The following ZNF100 variants were observed in gnomAD, a reference collection of about 807,000 sequenced individuals.
The protein encoded by ZNF100 is zinc finger protein 100.
ZNF100 carries 12 observed loss-of-function variants against 15.8 expected under a neutral mutation model. The ratio of observed to expected loss-of-function variants is 0.76; its 90% CI spans 0.49 to 1.23. The LOEUF is 1.23. Among genes scored for constraint, ZNF100 ranks in the 50% most tolerant of loss-of-function variants. ZNF100 has a pLI of 0.00. For missense variants in ZNF100, 670 were observed against 635.6 expected, an observed-to-expected ratio of 1.05 and a Z score of -0.58; for synonymous variants, 226 against 214.8, an observed-to-expected ratio of 1.05 and a Z score of -0.45.
At chr19:21,760,176 C>A in intron 2 of ZNF100, among the ~76,000 whole-genome samples, 1 of 76,200 alleles carries the variant, frequency 1.3e-5, no homozygotes. Flanking sequence ...AGTGAGACTC[C>A]GTCTCAAAAA....
chr19:21,738,542 T>C (rs1046631863), intron 4 of ZNF100, among the ~76,000 whole-genome samples: 1 of 151,976 alleles, frequency 6.6e-6, no homozygotes, highest in African/African-American at 2.4e-5. Flanking sequence ...TTGAAAAACC[T>C]GACAAAAACA....
At chr19:21,747,898 A>G (rs560503462) in intron 2 of ZNF100, among the ~76,000 whole-genome samples, 1 of 152,222 alleles carries the variant, frequency 6.6e-6, no homozygotes, top group African/African-American at 2.4e-5. Flanking sequence ...GTTGATACTA[A>G]GTGTTCAGTA....
At chr19:21,755,129 A>G (rs1205786265) in intron 2 of ZNF100, among the ~76,000 whole-genome samples, 4 of 152,054 alleles carry the variant, frequency 2.6e-5, no homozygotes, top group African/African-American at 7.2e-5. Flanking sequence ...CCTGGCCAAC[A>G]TGGAGAAACC....
intron 4 of ZNF100, among the ~76,000 whole-genome samples, chr19:21,735,179 G>C (rs143926107): frequency 9.1e-4 from 138 of 151,338 alleles, no homozygotes; most frequent in Middle Eastern, 3.4e-3. Flanking sequence ...CATGAGAACA[G>C]GATCAAATTC....
chr19:21,750,655 AGCGT>A, intron 2 of ZNF100: 1 of 211,220 alleles, frequency 4.7e-6, no homozygotes, highest in South Asian at 1.8e-4. Context: ...CAGCGCGGCG[AGCGT>A]GCAGGGAGGC....
intron 2 of ZNF100, among the ~76,000 whole-genome samples, chr19:21,764,899 A>T (rs1048656642): frequency 5.3e-5 from 8 of 152,168 alleles, no homozygotes; most frequent in Non-Finnish European, 8.8e-5. Context: ...CTCACCAATT[A>T]TCCACCACAT....
chr19:21,753,078 C>G (rs1328677783), intron 2 of ZNF100: 2 of 152,160 alleles, frequency 1.3e-5, no homozygotes, highest in Non-Finnish European at 2.9e-5. Flanking sequence ...AAATTAAAAG[C>G]TTTATATTCA....
At chr19:21,751,020 G>C in intron 2 of ZNF100, 1 of 1,285,942 alleles carries the variant, frequency 7.8e-7, no homozygotes, top group Non-Finnish European at 1.1e-6. Flanking sequence ...CAGCGGGCGA[G>C]GGCCACCACC....
rs1843449262 is a variant in ZNF100, at chr19:21,724,882, TC to T, written c.*1800del. 1 of 152,026 alleles carries T rather than the reference TC, an allele frequency of 6.6e-6. No individual in the cohort carries two copies. 9.4% of individuals were successfully genotyped at this position (152,026 alleles called of 1,614,324 possible). Reference sequence around the variant, plus strand: ...GCTTGACTTACATTATGAAACCCTGTCTCTACTAAAATACAAAAATTAGCTG... The same window carrying T: ...GCTTGACTTACATTATGAAACCCTGTTCTACTAAAATACAAAAATTAGCTG... On this transcript the variant is annotated 3_prime_UTR_variant, in exon 5 of 5. Transcript: ENST00000358296.
intron 2 of ZNF100, among the ~76,000 whole-genome samples, chr19:21,763,597 A>G (rs2036515786): frequency 6.6e-6 from 1 of 152,142 alleles, no homozygotes; most frequent in Non-Finnish European, 1.5e-5. Context: ...CCGGGGGGAA[A>G]AAAATCAGCT....
intron 2 of ZNF100, chr19:21,751,511 GAA>G: frequency 9.2e-7 from 1 of 1,092,670 alleles, no homozygotes. Flanking sequence ...AACTTATGCT[GAA>G]ATCGACATTT....
intron 4 of ZNF100, among the ~76,000 whole-genome samples, chr19:21,736,177 T>C (rs1442651307): frequency 2.0e-5 from 3 of 152,142 alleles, no homozygotes; most frequent in African/African-American, 7.2e-5. Context: ...AACCTTCACT[T>C]CGCAGGTTCA....
chr19:21,738,154 G>C (rs1041797110), intron 4 of ZNF100, among the ~76,000 whole-genome samples: 64 of 147,670 alleles, frequency 4.3e-4, no homozygotes, highest in African/African-American at 1.3e-3. Flanking sequence ...AGGAAACTGA[G>C]TCAGGGGAAC....
At chr19:21,746,109 C>A (rs2036208296) in intron 2 of ZNF100, among the ~76,000 whole-genome samples, 1 of 152,148 alleles carries the variant, frequency 6.6e-6, no homozygotes, top group Non-Finnish European at 1.5e-5. Flanking sequence ...TATCAGAGAG[C>A]TTTTTAACCA....
At chr19:21,754,717 C>CA in intron 2 of ZNF100, among the ~76,000 whole-genome samples, 1 of 152,108 alleles carries the variant, frequency 6.6e-6, no homozygotes. Flanking sequence ...TAGGCAATAC[C>CA]ATTCAGGACA....
At position 21,743,956 on chromosome 19, in the gene ZNF100, G is replaced by C. The variant is rs1025719774; in HGVS notation, c.322+61C>G. The C allele has an allele frequency of 4.0e-6, 6 of 1,485,240 alleles. No homozygotes were observed. The African/African-American group carries it at 8.7e-5, about 22-fold the overall frequency. The allele number at this position is 1,485,240 out of a possible 1,614,324, so 92.0% of individuals were successfully genotyped here. On this transcript the variant is annotated intron_variant, in intron 4 of 4. Coordinates refer to ENST00000358296, the MANE Select transcript of ZNF100 (RefSeq NM_173531.4). ...TTCCCAAACCACATTTTAATGACCA[G>C]CTTTCTTTTTGACCTTTGGACCTCA...
intron 4 of ZNF100, among the ~76,000 whole-genome samples, chr19:21,739,620 A>G (rs2036073326): frequency 1.3e-5 from 2 of 152,322 alleles, no homozygotes; most frequent in South Asian, 4.1e-4. Flanking sequence ...TCTGACCAAA[A>G]CTGAATAAAA....
At chr19:21,765,344 T>G (rs992409446) in intron 2 of ZNF100, among the ~76,000 whole-genome samples, 1 of 152,164 alleles carries the variant, frequency 6.6e-6, no homozygotes, top group Non-Finnish European at 1.5e-5. Context: ...CACCCACTCC[T>G]GCTCACTTAT....
intron 1 of ZNF100, 25 bp downstream of exon 1, chr19:21,767,402 G>A (rs1400409960): frequency 6.2e-7 from 1 of 1,613,958 alleles, no homozygotes; most frequent in Non-Finnish European, 8.5e-7. Context: ...GCCGTCTCTC[G>A]GGATGTCGGA....
Sources: allele counts gnomAD v4.1 joint callset (sites outside exome capture counted in the v4.1 genomes callset), GRCh38; gene constraint gnomAD v4.1.1; transcripts MANE v1.5; gene names NCBI Gene and HGNC (gene_info 2026-07-23, HGNC 2026-07-21).